Variants in PCDHA9 observed in about 807,000 individuals in gnomAD.
PCDHA9 encodes protocadherin alpha-9.
Under a neutral mutation model 62.0 loss-of-function variants are expected in PCDHA9, and 62 were observed. That is an observed-to-expected ratio of 1.00 (90% CI 0.81 to 1.23). PCDHA9 has a LOEUF of 1.23. PCDHA9 is among the 50% of genes most tolerant of loss of function. The probability of loss-of-function intolerance (pLI) is 0.00; values close to 1 mark genes in which losing one functional copy is unlikely to be tolerated. For missense variants in PCDHA9, 1,205 were observed against 1,249.8 expected (o/e 0.96, Z 0.54); for synonymous variants, 557 against 567.6 (o/e 0.98, Z 0.27).
Position 140,857,247 on chromosome 5 carries a change from A to G in PCDHA9, c.2394+6358A>G. ...GTTCCGTTCAAGCTGGTGTCCACCT[A>G]CAAGAATTACTACTCATTGGTGCTG... is the stretch of plus-strand genomic sequence containing the variant. On this transcript the variant is annotated intron_variant, in intron 1 of 3. Coordinates refer to ENST00000532602, the MANE Select transcript of PCDHA9 (RefSeq NM_031857.2). 3 of 1,598,564 alleles carry G rather than the reference A, an allele frequency of 1.9e-6. 1 individual carries two copies. Among genetic ancestry groups the G allele is most frequent in the African/African-American group, 2.7e-5 (2 of 74,420 alleles).
At chr5:140,891,431 A>G (rs912407002) in intron 1 of PCDHA9, among the ~76,000 whole-genome samples, 1 of 143,446 alleles carries the variant, frequency 7.0e-6, no homozygotes, top group Non-Finnish European at 1.5e-5. Context: ...CAAGTCCCCA[A>G]CGTCCATTGT....
At chr5:140,916,009 C>CA (rs541727470) in intron 1 of PCDHA9, among the ~76,000 whole-genome samples, 78 of 152,190 alleles carry the variant, frequency 5.1e-4, no homozygotes, top group Non-Finnish European at 9.6e-4. Flanking sequence ...AACCACAAGA[C>CA]AAAGTCTTTC....
chr5:140,883,581 C>A, intron 1 of PCDHA9: 2 of 1,614,018 alleles, frequency 1.2e-6, no homozygotes, highest in Non-Finnish European at 1.7e-6. Flanking sequence ...CTGTGGGCCA[C>A]GGCCAGCGTG....
chr5:140,902,197 C>T (rs868992860), intron 1 of PCDHA9, among the ~76,000 whole-genome samples: 1 of 143,684 alleles, frequency 7.0e-6, no homozygotes, highest in African/African-American at 2.6e-5. Context: ...CTCTCTCTCT[C>T]TCTTTCTTTT....
intron 1 of PCDHA9, among the ~76,000 whole-genome samples, chr5:140,933,650 CCTGTCTCTCTCT>C (rs1218539002): frequency 2.6e-5 from 4 of 151,890 alleles, no homozygotes; most frequent in South Asian, 2.1e-4. Context: ...AGTTGGAAAT[CCTGTCTCTCTCT>C]CTGTCTCTCT....
At chr5:140,968,442 T>C in intron 1 of PCDHA9, 1 of 1,614,068 alleles carries the variant, frequency 6.2e-7, no homozygotes, top group Non-Finnish European at 8.5e-7. Flanking sequence ...AGCCCACCAC[T>C]GAGCAGCACT....
chr5:141,000,417 ATATATTTTTT>A (rs2097924181), intron 3 of PCDHA9, among the ~76,000 whole-genome samples: 1 of 77,748 alleles, frequency 1.3e-5, no homozygotes, highest in Non-Finnish European at 2.3e-5. Context: ...ATATATATAT[ATATATTTTTT>A]TTTTTTTTTT....
chr5:140,865,725 A>T (rs1326307411), intron 1 of PCDHA9: 1 of 152,210 alleles, frequency 6.6e-6, no homozygotes, highest in Non-Finnish European at 1.5e-5. Context: ...AGAAGCTGAG[A>T]TGTGTATCTA....
At chr5:140,954,520 A>G (rs1554221455) in intron 1 of PCDHA9, among the ~76,000 whole-genome samples, 1 of 152,192 alleles carries the variant, frequency 6.6e-6, no homozygotes, top group Admixed American at 6.6e-5. Context: ...CCTAATGATC[A>G]GTGATGTTGA....
chr5:141,001,594 A>AT (rs1216872407), intron 3 of PCDHA9, among the ~76,000 whole-genome samples: 1 of 152,040 alleles, frequency 6.6e-6, no homozygotes, highest in Non-Finnish European at 1.5e-5. Flanking sequence ...GATTACTCAG[A>AT]TTAGGTTTGC....
intron 1 of PCDHA9, chr5:140,881,303 C>G (rs2058657354): frequency 2.1e-6 from 2 of 962,486 alleles, no homozygotes; most frequent in African/African-American, 1.8e-5. Flanking sequence ...GAAACTTTAA[C>G]CTCCTGGTTA....
At chr5:140,870,193 C>T in intron 1 of PCDHA9, 2 of 1,614,156 alleles carry the variant, frequency 1.2e-6, no homozygotes, top group Non-Finnish European at 8.5e-7. Flanking sequence ...GGACGCTCAG[C>T]CCAGCACGGT....
chr5:140,963,932 A>C (rs564788639), intron 1 of PCDHA9, among the ~76,000 whole-genome samples: 74 of 152,352 alleles, frequency 4.9e-4, no homozygotes, highest in African/African-American at 1.6e-3. Context: ...ACATGTCCAT[A>C]GCCAAACAGT....
chr5:140,961,915 G>T (rs1393178053), intron 1 of PCDHA9, among the ~76,000 whole-genome samples: 4 of 146,912 alleles, frequency 2.7e-5, no homozygotes, highest in Non-Finnish European at 4.5e-5. Context: ...ATGGAGTCTC[G>T]CTCTGTTGCC....
intron 1 of PCDHA9, chr5:140,875,646 G>T (rs781973102): frequency 6.2e-7 from 1 of 1,613,722 alleles, no homozygotes; most frequent in Non-Finnish European, 8.5e-7. Context: ...AGCTGGCGGA[G>T]CTGGTGCCGC....
rs1554149565 is a variant in PCDHA9, at chr5:140,857,132, G to T, written c.2394+6243G>T. Reference sequence around the variant, plus strand: ...TCTGTCTCTCCCAGTGAAAGAAGATGCTCAAGTGGGCACCGTCATTGCCCT... The same window carrying T: ...TCTGTCTCTCCCAGTGAAAGAAGATTCTCAAGTGGGCACCGTCATTGCCCT... On this transcript the variant is annotated intron_variant, in intron 1 of 3. Coordinates refer to ENST00000532602, the MANE Select transcript of PCDHA9 (RefSeq NM_031857.2). The T allele has an allele frequency of 3.1e-6, 5 of 1,598,146 alleles. 1 individual carries two copies. The South Asian group carries it at 3.3e-5, about 11-fold the overall frequency.
chr5:140,877,634 T>C, intron 1 of PCDHA9: 1 of 1,613,738 alleles, frequency 6.2e-7, no homozygotes, highest in Non-Finnish European at 8.5e-7. Context: ...TACACTGCGC[T>C]GCGTTGCTCA....
chr5:140,967,276 G>C, intron 1 of PCDHA9: 2 of 1,613,398 alleles, frequency 1.2e-6, no homozygotes. Context: ...TTCACATAGA[G>C]AGTGCGCAGG....
chr5:140,885,509 T>C (rs1020233501), intron 1 of PCDHA9, among the ~76,000 whole-genome samples: 36 of 152,208 alleles, frequency 2.4e-4, no homozygotes, highest in Admixed American at 1.4e-3. Flanking sequence ...TGAACCATGC[T>C]GTGCTATCAT....
Sources: allele counts gnomAD v4.1 joint callset (sites outside exome capture counted in the v4.1 genomes callset), GRCh38; gene constraint gnomAD v4.1.1; transcripts MANE v1.5; gene names NCBI Gene and HGNC (gene_info 2026-07-23, HGNC 2026-07-21).